C3orf49: variants seen among roughly 807,000 people sequenced by gnomAD.
C3orf49 encodes chromosome 3 open reading frame 49, also known as putative uncharacterized protein C3orf49.
In C3orf49, 27 loss-of-function variants were observed where a neutral mutation model predicts 13.3. That is an observed-to-expected ratio of 2.02 (90% CI 1.49 to 2.79). C3orf49 has a LOEUF of 2.79. Ranked by LOEUF, C3orf49 falls within the 30% of genes most tolerant of loss-of-function variation. C3orf49 has a pLI of 0.00. For missense variants in C3orf49, 242 were observed against 134.2 expected, an observed-to-expected ratio of 1.80 and a Z score of -3.97; for synonymous variants, 87 against 47.6, an observed-to-expected ratio of 1.83 and a Z score of -3.40.
At chr3:63,789,734 C>T in the C3orf49 span, among the ~76,000 whole-genome samples, 1 of 150,168 alleles carries the variant, frequency 6.7e-6, no homozygotes. Flanking sequence ...TTGCTTGAAC[C>T]CTGGGGGCAG....
At chr3:63,829,883 G>A (rs554001297) in intron 3 of C3orf49, among the ~76,000 whole-genome samples, 13 of 152,200 alleles carry the variant, frequency 8.5e-5, no homozygotes, top group African/African-American at 2.2e-4. Context: ...GAGGATCACC[G>A]GAGCCCACAG....
chr3:63,838,583 A>G (rs1701685236), intron 5 of C3orf49: 1 of 1,326,634 alleles, frequency 7.5e-7, no homozygotes, highest in African/African-American at 1.5e-5. Context: ...AATATTTGCT[A>G]ATTAAATTAT....
At chr3:63,783,151 C>G in the C3orf49 span, 1 of 152,192 alleles carries the variant, frequency 6.6e-6, no homozygotes, top group Non-Finnish European at 1.5e-5. Context: ...TCTCCCATCC[C>G]AGAAAACTCC....
At chr3:63,801,100 A>G in the C3orf49 span, among the ~76,000 whole-genome samples, 1 of 152,164 alleles carries the variant, frequency 6.6e-6, no homozygotes, top group Non-Finnish European at 1.5e-5. Flanking sequence ...AAGGGAAAAA[A>G]GGGAGACACT....
chr3:63,805,498 C>T, the C3orf49 span, among the ~76,000 whole-genome samples: 1 of 152,238 alleles, frequency 6.6e-6, no homozygotes, highest in Non-Finnish European at 1.5e-5. Context: ...GCAGAAGACA[C>T]AAGACTTCTG....
chr3:63,809,281 T>C, the C3orf49 span, among the ~76,000 whole-genome samples: 1 of 152,206 alleles, frequency 6.6e-6, no homozygotes. Flanking sequence ...AGCATAGCCT[T>C]GCCAACACTT....
intron 5 of C3orf49, 88 bp from the exon 6 acceptor site, chr3:63,844,935 G>C: frequency 1.7e-6 from 1 of 587,012 alleles, no homozygotes; most frequent in South Asian, 2.1e-5. Context: ...ACCTGAAAAT[G>C]TGGAAGCGGC....
At chr3:63,836,968 A>T (rs1701647165) in intron 5 of C3orf49, among the ~76,000 whole-genome samples, 1 of 151,954 alleles carries the variant, frequency 6.6e-6, no homozygotes, top group African/African-American at 2.4e-5. Flanking sequence ...ATATTTTTAG[A>T]TGACTTTAGA....
At chr3:63,825,539 T>A (rs1455652105) in intron 2 of C3orf49, among the ~76,000 whole-genome samples, 2 of 152,206 alleles carry the variant, frequency 1.3e-5, no homozygotes, top group African/African-American at 4.8e-5. Context: ...TTTCTACTCC[T>A]AATCTGTGCA....
chr3:63,823,507 T>C lies in C3orf49; in HGVS notation c.383T>C (p.Ile128Thr), dbSNP rs1464501672. 4.3e-6 allele frequency: 3 copies of C among 702,698 alleles called. No homozygotes were observed. The highest frequency in any genetic ancestry group is 3.5e-5 in the African/African-American group (2 of 57,190). The allele number at this position is 702,698 out of a possible 1,614,324, so 43.5% of individuals were successfully genotyped here. A position where few individuals can be genotyped will look rare whatever the true frequency, so the allele number is the denominator to read the frequency against. The change falls in exon 2 of 7, where the codon ATT becomes ACT. Residue 128 changes from isoleucine (I) to threonine (T), a missense_variant. Transcript: ENST00000295896. The part of the protein sequence containing the change: ...LSNTQSLLPR[I>T]VKEFSSPKLF... ...AACACGCAGAGCCTTCTCCCTAGGA[T>C]TGTCAAGGAGTTTTCATCTCCCAAG...
chr3:63,808,214 G>A, the C3orf49 span, among the ~76,000 whole-genome samples: 4 of 152,178 alleles, frequency 2.6e-5, no homozygotes, highest in South Asian at 6.2e-4. Context: ...TAAGAGATAA[G>A]TGATACAGAT....
chr3:63,785,123 A>G, the C3orf49 span, among the ~76,000 whole-genome samples: 4 of 115,752 alleles, frequency 3.5e-5, no homozygotes, highest in Admixed American at 5.1e-4. Context: ...CCCAGGCTGG[A>G]GTGCAGTGGC....
At chr3:63,794,728 T>C in the C3orf49 span, among the ~76,000 whole-genome samples, 1 of 152,098 alleles carries the variant, frequency 6.6e-6, no homozygotes, top group Non-Finnish European at 1.5e-5. Flanking sequence ...ACTTCAGTGA[T>C]TGGTGATCTC....
the C3orf49 span, among the ~76,000 whole-genome samples, chr3:63,808,644 C>T: frequency 3.3e-5 from 5 of 152,166 alleles, no homozygotes. Context: ...GGTCCTATTG[C>T]CTCTTCATTC....
chr3:63,801,935 A>C, the C3orf49 span, among the ~76,000 whole-genome samples: 1 of 152,208 alleles, frequency 6.6e-6, no homozygotes, highest in Non-Finnish European at 1.5e-5. Context: ...CAGGCTTCCC[A>C]TTCGTTTTCA....
At chr3:63,795,275 A>C in the C3orf49 span, among the ~76,000 whole-genome samples, 1 of 152,140 alleles carries the variant, frequency 6.6e-6, no homozygotes, top group South Asian at 2.1e-4. Context: ...GGTGAGCAGG[A>C]AGTGGCCAAT....
the C3orf49 span, among the ~76,000 whole-genome samples, chr3:63,789,282 C>T: frequency 6.6e-6 from 1 of 152,186 alleles, no homozygotes; most frequent in Non-Finnish European, 1.5e-5. Context: ...CTAAAACCAT[C>T]TCCCCTTCCT....
the C3orf49 span, among the ~76,000 whole-genome samples, chr3:63,813,788 T>C: frequency 5.3e-5 from 8 of 152,126 alleles, no homozygotes; most frequent in Non-Finnish European, 1.0e-4. Flanking sequence ...AGCAAGAGGA[T>C]TTGCTTGAGC....
At chr3:63,786,228 C>T in the C3orf49 span, among the ~76,000 whole-genome samples, 108 of 152,082 alleles carry the variant, frequency 7.1e-4, no homozygotes, top group African/African-American at 2.3e-3. Flanking sequence ...ACATGATAGA[C>T]GCTCAGTAAA....
Sources: allele counts gnomAD v4.1 joint callset (sites outside exome capture counted in the v4.1 genomes callset), GRCh38; gene constraint gnomAD v4.1.1; transcripts MANE v1.5; gene names NCBI Gene and HGNC (gene_info 2026-07-23, HGNC 2026-07-21).